Variants in ZFAND3 observed in about 807,000 individuals in gnomAD.
ZFAND3 encodes AN1-type zinc finger protein 3.
Under a neutral mutation model 29.6 loss-of-function variants are expected in ZFAND3, and 10 were observed. The ratio of observed to expected loss-of-function variants is 0.34; its 90% CI spans 0.21 to 0.57. The LOEUF (loss-of-function observed/expected upper bound fraction) is 0.57. Among genes scored for constraint, ZFAND3 ranks in the 20% least tolerant of loss-of-function variants. The probability of loss-of-function intolerance (pLI) is 0.86; values close to 1 mark genes in which losing one functional copy is unlikely to be tolerated. For synonymous variants in ZFAND3, 128 were observed against 112.6 expected, an observed-to-expected ratio of 1.14 and a Z score of -0.87; for missense variants, 230 against 304.5, an observed-to-expected ratio of 0.76 and a Z score of 1.82.
At chr6:38,137,719 G>A (rs891007420) in intron 5 of ZFAND3, among the ~76,000 whole-genome samples, 3 of 152,180 alleles carry the variant, frequency 2.0e-5, no homozygotes, top group African/African-American at 4.8e-5. Context: ...CAGCACCTGG[G>A]AGGACATGAA....
intron 5 of ZFAND3, among the ~76,000 whole-genome samples, chr6:38,121,111 TA>T (rs1014370900): frequency 6.6e-6 from 1 of 152,208 alleles, no homozygotes; most frequent in African/African-American, 2.4e-5. Flanking sequence ...CCCAACACTT[TA>T]GGAGGCCAAG....
chr6:37,956,026 G>C (rs1370002362), intron 2 of ZFAND3, among the ~76,000 whole-genome samples: 3 of 152,162 alleles, frequency 2.0e-5, no homozygotes, highest in African/African-American at 7.2e-5. Flanking sequence ...TTTGGACGCA[G>C]CTTGAGATAA....
intron 2 of ZFAND3, among the ~76,000 whole-genome samples, chr6:37,971,044 T>C (rs1019004831): frequency 2.6e-5 from 4 of 152,242 alleles, no homozygotes; most frequent in African/African-American, 9.6e-5. Context: ...TAGTTTGTGA[T>C]GTTGATACAA....
At chr6:37,971,831 G>GAAAA (rs5875604) in intron 2 of ZFAND3, among the ~76,000 whole-genome samples, 1 of 117,890 alleles carries the variant, frequency 8.5e-6, no homozygotes, top group Non-Finnish European at 1.7e-5. Flanking sequence ...TGTACAAAAT[G>GAAAA]AAAAAAAAAA....
chr6:37,951,051 G>C (rs1306332141), intron 2 of ZFAND3, among the ~76,000 whole-genome samples: 1 of 152,226 alleles, frequency 6.6e-6, no homozygotes, highest in Middle Eastern at 3.4e-3. Flanking sequence ...TTTCAGCAGT[G>C]TTTTATAATT....
chr6:37,896,514 T>TTTTCTTTTC (rs71542145), intron 1 of ZFAND3, among the ~76,000 whole-genome samples: 11 of 109,178 alleles, frequency 1.0e-4, no homozygotes, highest in African/African-American at 2.9e-4. Context: ...TTCCTCTTTC[T>TTTTCTTTTC]TTTCTTTCTT....
At chr6:37,887,333 A>G (rs922023690) in intron 1 of ZFAND3, among the ~76,000 whole-genome samples, 2 of 152,224 alleles carry the variant, frequency 1.3e-5, no homozygotes, top group African/African-American at 4.8e-5. Context: ...TTAAATATGT[A>G]ATAATCTTGA....
chr6:37,964,553 T>C (rs1278603185), intron 2 of ZFAND3, among the ~76,000 whole-genome samples: 1 of 152,188 alleles, frequency 6.6e-6, no homozygotes, highest in East Asian at 1.9e-4. Flanking sequence ...ATTTCTGACA[T>C]TGATTCAATC....
chr6:38,084,431 C>T (rs1764721117), intron 4 of ZFAND3, among the ~76,000 whole-genome samples: 1 of 152,086 alleles, frequency 6.6e-6, no homozygotes, highest in Non-Finnish European at 1.5e-5. Flanking sequence ...AATATGCTCA[C>T]CTAATAGACC....
At chr6:38,072,620 C>T (rs1764478731) in intron 3 of ZFAND3, among the ~76,000 whole-genome samples, 1 of 151,808 alleles carries the variant, frequency 6.6e-6, no homozygotes, top group East Asian at 1.9e-4. Context: ...TAAATCTAAG[C>T]TTTATTTATG....
chr6:37,968,961 G>A (rs758161337), intron 2 of ZFAND3, among the ~76,000 whole-genome samples: 4 of 152,182 alleles, frequency 2.6e-5, no homozygotes, highest in Non-Finnish European at 5.9e-5. Flanking sequence ...TTAACAATGA[G>A]GATATGTTCT....
chr6:37,988,406 A>ATTGCAAAC (rs1762705746), intron 2 of ZFAND3, among the ~76,000 whole-genome samples: 2 of 152,180 alleles, frequency 1.3e-5, no homozygotes, highest in South Asian at 4.1e-4. Flanking sequence ...CACTACATCT[A>ATTGCAAAC]TTGCAAACTT....
At chr6:38,124,578 G>A (rs560500800) in intron 5 of ZFAND3, among the ~76,000 whole-genome samples, 1 of 152,350 alleles carries the variant, frequency 6.6e-6, no homozygotes, top group East Asian at 1.9e-4. Flanking sequence ...ACTGGCCTGG[G>A]TGCTAAGCCC....
intron 2 of ZFAND3, among the ~76,000 whole-genome samples, chr6:38,007,435 C>G (rs777950165): frequency 6.6e-6 from 1 of 151,888 alleles, no homozygotes; most frequent in African/African-American, 2.4e-5. Flanking sequence ...AATCCTAGCT[C>G]TTGGGAGGCT....
intron 2 of ZFAND3, among the ~76,000 whole-genome samples, chr6:37,946,091 G>A (rs1761896683): frequency 6.6e-6 from 1 of 152,136 alleles, no homozygotes; most frequent in South Asian, 2.1e-4. Context: ...AATTTTAGAT[G>A]GACATAAATA....
At chr6:38,011,040 G>A (rs957702587) in intron 2 of ZFAND3, among the ~76,000 whole-genome samples, 5 of 151,750 alleles carry the variant, frequency 3.3e-5, no homozygotes, top group African/African-American at 1.2e-4. Context: ...CCAATGACTG[G>A]CTCATTTTGC....
chr6:37,860,957 A>G lies in ZFAND3; in HGVS notation c.71+40941A>G, dbSNP rs551566644. On this transcript the variant is annotated intron_variant, in intron 1 of 5. Transcript: ENST00000287218. ...GAAATGTTAAATAAAAATGAGAGCA[A>G]TGTCTAGTTAAATAGCATAAGGCCG... 3.3e-3 allele frequency among the ~76,000 whole-genome samples: 506 copies of G among 152,220 alleles called. 1 individual carries two copies. The highest frequency in any genetic ancestry group is 6.2e-3 in the Admixed American group (95 of 15,290).
At chr6:37,889,379 A>G (rs565169052) in intron 1 of ZFAND3, among the ~76,000 whole-genome samples, 5 of 152,294 alleles carry the variant, frequency 3.3e-5, no homozygotes, top group Non-Finnish European at 7.4e-5. Context: ...TGCCAAAAGG[A>G]ATAATGGATT....
chr6:38,085,990 T>C (rs1294819618), intron 4 of ZFAND3, among the ~76,000 whole-genome samples: 1 of 152,222 alleles, frequency 6.6e-6, no homozygotes, highest in African/African-American at 2.4e-5. Context: ...ATTACTGTTT[T>C]GATCAGGTGA....
Sources: gnomAD v4.1 joint callset for allele counts (sites outside exome capture counted in the v4.1 genomes callset) on GRCh38, gnomAD v4.1.1 for gene constraint, MANE v1.5 for transcripts, NCBI Gene and HGNC (gene_info 2026-07-23, HGNC 2026-07-21) for gene names.